Variants in SEMA3E observed in about 807,000 individuals in gnomAD.
SEMA3E encodes semaphorin 3E.
A neutral mutation model predicts 93.6 loss-of-function variants in SEMA3E; 49 were observed. The observed-to-expected ratio is 0.52, with a 90% CI of 0.42 to 0.66. The LOEUF (loss-of-function observed/expected upper bound fraction) is 0.66, where lower values mean the gene tolerates loss of function less well. SEMA3E is among the 30% of genes least tolerant of loss of function. The pLI is 0.00. For synonymous variants in SEMA3E, 363 were observed against 330.7 expected, an observed-to-expected ratio of 1.10 and a Z score of -1.06; for missense variants, 906 against 964.8, an observed-to-expected ratio of 0.94 and a Z score of 0.81.
intron 1 of SEMA3E, among the ~76,000 whole-genome samples, chr7:83,593,260 G>GTCTCTCTCTCTCTCTCTCTCTCTCTC (rs1186592715): frequency 1.0e-5 from 1 of 96,338 alleles, no homozygotes; most frequent in African/African-American, 4.7e-5. Context: ...CTCTCTCTCT[G>GTCTCTCTCTCTCTCTCTCTCTCTCTC]TCTCTCTCTC....
chr7:83,599,252 A>G (rs2115974648), intron 1 of SEMA3E, among the ~76,000 whole-genome samples: 1 of 152,316 alleles, frequency 6.6e-6, no homozygotes, highest in South Asian at 2.1e-4. Flanking sequence ...AATCTAGAGG[A>G]AACATTAAGT....
At chr7:83,569,404 A>T (rs2115862295) in intron 1 of SEMA3E, among the ~76,000 whole-genome samples, 1 of 152,260 alleles carries the variant, frequency 6.6e-6, no homozygotes, top group South Asian at 2.1e-4. Context: ...TAAAATATTA[A>T]ATGGTCTAAA....
intron 1 of SEMA3E, among the ~76,000 whole-genome samples, chr7:83,597,193 G>A (rs1437030489): frequency 2.6e-5 from 4 of 152,038 alleles, no homozygotes; most frequent in Admixed American, 6.6e-5. Context: ...CCAACAATGT[G>A]GTTCAAAAAG....
At position 83,408,405 on chromosome 7, in the gene SEMA3E, A is replaced by G. The variant is rs1477235115; in HGVS notation, c.633T>C (p.His211=). ...AIFRSMGRLA[H]IRTEHDDERL... is the part of the protein sequence containing the mutation. ...GCTCATCGTCATGCTCAGTGCGGAT[A>G]TGGGCCAGTCGCCCCATGCTGCGGA... The change falls in exon 6 of 17, where the codon CAT becomes CAC. Residue 211 remains histidine, a synonymous_variant. Transcript: ENST00000643230. 1.2e-6 allele frequency: 2 copies of G among 1,613,812 alleles called. No homozygotes were observed. The highest frequency in any genetic ancestry group is 1.7e-6 in the Non-Finnish European group (2 of 1,179,860).
intron 1 of SEMA3E, among the ~76,000 whole-genome samples, chr7:83,565,601 C>T (rs1483616448): frequency 6.6e-6 from 1 of 152,150 alleles, no homozygotes; most frequent in East Asian, 1.9e-4. Flanking sequence ...ATTTAATGTG[C>T]TTTCTGATCT....
intron 1 of SEMA3E, among the ~76,000 whole-genome samples, chr7:83,527,637 TG>T (rs1791188306): frequency 6.6e-6 from 1 of 152,186 alleles, no homozygotes; most frequent in Admixed American, 6.6e-5. Flanking sequence ...AGATCAGCTT[TG>T]GGGTTTCAAT....
chr7:83,492,766 A>G (rs1790411959), intron 1 of SEMA3E, among the ~76,000 whole-genome samples: 1 of 151,958 alleles, frequency 6.6e-6, no homozygotes, highest in African/African-American at 2.4e-5. Flanking sequence ...AAAACAGCAA[A>G]CAACCACTGT....
intron 1 of SEMA3E, among the ~76,000 whole-genome samples, chr7:83,572,823 C>G (rs1466281007): frequency 6.6e-6 from 1 of 151,838 alleles, no homozygotes; most frequent in Admixed American, 6.6e-5. Context: ...GGCTAGCACA[C>G]GCAGAATAAA....
chr7:83,373,576 C>T (rs1029794371), intron 16 of SEMA3E, among the ~76,000 whole-genome samples: 4 of 152,166 alleles, frequency 2.6e-5, no homozygotes, highest in African/African-American at 7.2e-5. Flanking sequence ...TCGGGGAAAC[C>T]TATCACACTA....
At chr7:83,559,849 A>C (rs1381181253) in intron 1 of SEMA3E, among the ~76,000 whole-genome samples, 1 of 152,068 alleles carries the variant, frequency 6.6e-6, no homozygotes. Flanking sequence ...GGATAAAATA[A>C]CTATGCTGCA....
rs147986012 is a variant in SEMA3E at position 83,419,624 on chromosome 7, T to C, written c.457-1141A>G. Among the ~76,000 whole-genome samples, 364 of 152,304 alleles carry C rather than the reference T, an allele frequency of 2.4e-3. 1 individual carries two copies. Among genetic ancestry groups the C allele is most frequent in the Middle Eastern group, 0.014 (4 of 294 alleles). On this transcript the variant is annotated intron_variant, in intron 4 of 16. Coordinates refer to ENST00000643230, the MANE Select transcript of SEMA3E (RefSeq NM_012431.3). Reference sequence around the variant, plus strand: ...TTTTGACTTATTATAATAGCCTTCCTGACTGGTGTGAGATGATACCTCATT... The same window carrying C: ...TTTTGACTTATTATAATAGCCTTCCCGACTGGTGTGAGATGATACCTCATT...
In SEMA3E at chr7:83,367,564, G is replaced by C. The variant is rs768333463; in HGVS notation, c.*22C>G. On this transcript the variant is annotated 3_prime_UTR_variant, in exon 17 of 17. Coordinates refer to ENST00000643230, the MANE Select transcript of SEMA3E (RefSeq NM_012431.3). ...CTTTCCAAATATAAATTCTTCAAAA[G>C]ACAGTAGATAGTCTCACCCCATCAG... is the stretch of plus-strand genomic sequence containing the variant. The C allele has an allele frequency of 8.1e-6, 13 of 1,609,676 alleles. No individual in the cohort carries two copies. The South Asian group carries it at 1.3e-4, about 16-fold the overall frequency.
chr7:83,387,304 T>C (rs1214517977), intron 14 of SEMA3E, among the ~76,000 whole-genome samples: 1 of 152,112 alleles, frequency 6.6e-6, no homozygotes, highest in Non-Finnish European at 1.5e-5. Flanking sequence ...CAATGGAATG[T>C]ATTTCTCTTT....
At chr7:83,575,396 G>A (rs1398211915) in intron 1 of SEMA3E, among the ~76,000 whole-genome samples, 1 of 151,404 alleles carries the variant, frequency 6.6e-6, no homozygotes, top group Admixed American at 6.6e-5. Flanking sequence ...CAAAAGATGA[G>A]GTAATTTTTA....
intron 4 of SEMA3E, among the ~76,000 whole-genome samples, chr7:83,422,767 G>A (rs1451846461): frequency 1.3e-5 from 2 of 152,086 alleles, no homozygotes; most frequent in Non-Finnish European, 2.9e-5. Flanking sequence ...GAAACTGCAA[G>A]AGCAATACAA....
At position 83,385,397 on chromosome 7, in the gene SEMA3E, T is replaced by C. The variant is rs774915686; in HGVS notation, c.1772A>G (p.Tyr591Cys). 6.2e-6 allele frequency: 10 copies of C among 1,613,588 alleles called. No homozygotes were observed. The highest frequency in any genetic ancestry group is 8.5e-6 in the Non-Finnish European group (10 of 1,179,630). Residue 591 changes from tyrosine to cysteine, a missense_variant, in exon 16 of 17, where the codon TAT becomes TGT. Physicochemically the swap from Tyr to Cys is radical, Grantham distance 194 (BLOSUM62 -2). Coordinates refer to ENST00000643230, the MANE Select transcript of SEMA3E (RefSeq NM_012431.3). ...ALDKTEEHLAYGIENNSTLLE... is the reference protein window; with the variant it reads ...ALDKTEEHLACGIENNSTLLE... ...CAAAGTACTGTTGTTCTCTATGCCA[T>C]AAGCCAGATGTTCTTCAGTCTTATC... is the stretch of plus-strand genomic sequence containing the variant.
At chr7:83,455,567 C>T (rs1789461883) in intron 4 of SEMA3E, among the ~76,000 whole-genome samples, 1 of 152,186 alleles carries the variant, frequency 6.6e-6, no homozygotes, top group Non-Finnish European at 1.5e-5. Flanking sequence ...TCAAATATAG[C>T]TGTACGACAC....
At chr7:83,426,576 T>C (rs1788772547) in intron 4 of SEMA3E, among the ~76,000 whole-genome samples, 1 of 152,116 alleles carries the variant, frequency 6.6e-6, no homozygotes, top group South Asian at 2.1e-4. Context: ...TTGGGGACTA[T>C]TCTCAGTACC....
intron 1 of SEMA3E, among the ~76,000 whole-genome samples, chr7:83,635,048 T>C (rs1793855154): frequency 6.6e-6 from 1 of 152,098 alleles, no homozygotes; most frequent in Admixed American, 6.5e-5. Flanking sequence ...GCAAGCTCAA[T>C]ATTCTAGTAC....
Sources: allele counts gnomAD v4.1 joint callset (sites outside exome capture counted in the v4.1 genomes callset), GRCh38; gene constraint gnomAD v4.1.1; transcripts MANE v1.5; gene names NCBI Gene and HGNC (gene_info 2026-07-23, HGNC 2026-07-21).